The following TPCN1 variants were observed in gnomAD, a reference collection of about 807,000 sequenced individuals.
TPCN1 encodes two pore channel protein 1.
In TPCN1, 52 loss-of-function variants were observed where a neutral mutation model predicts 108.8. The observed-to-expected ratio is 0.48, with a 90% CI of 0.38 to 0.60. TPCN1 has a LOEUF of 0.60. Ranked by LOEUF, TPCN1 falls within the 20% of genes least tolerant of loss-of-function variation. The pLI is 0.00. For missense variants in TPCN1, 806 were observed against 1,072.8 expected (o/e 0.75, Z 3.47); for synonymous variants, 446 against 433.7 (o/e 1.03, Z -0.35).
Position 113,273,601 on chromosome 12 carries a change from G to A in TPCN1, c.875G>A (p.Arg292Gln). The A allele has an allele frequency of 2.5e-6, 4 of 1,614,114 alleles. No homozygotes were observed. Among genetic ancestry groups the A allele is most frequent in the African/African-American group, 2.7e-5 (2 of 75,020 alleles). The change falls in exon 10 of 28, where the codon CGG (arginine) becomes CAG (glutamine). Residue 292 changes from arginine to glutamine, a missense_variant. Physicochemically the swap from Arg to Gln is conservative, Grantham distance 43. Transcript: ENST00000335509. The surrounding 1 kb of genome is among the most constrained non-coding windows in gnomAD (Gnocchi z 4.0). The stretch of plus-strand genomic sequence containing the variant: ...GATGTGATGATGCCCTCCTACTCCC[G>A]GAACCCCTGGTCCTGCGTCTTCTTC... Reference protein sequence around the residue: ...FPDVMMPSYSRNPWSCVFFIV... With the variant: ...FPDVMMPSYSQNPWSCVFFIV...
chr12:113,285,458 C>T (rs187926981), intron 17 of TPCN1, among the ~76,000 whole-genome samples: 2 of 152,318 alleles, frequency 1.3e-5, no homozygotes, highest in East Asian at 1.9e-4. Context: ...GCAACCTCAA[C>T]CTCCTGGGCT....
intron 2 of TPCN1, among the ~76,000 whole-genome samples, chr12:113,229,812 A>G (rs1953614290): frequency 6.6e-6 from 1 of 152,168 alleles, no homozygotes; most frequent in Non-Finnish European, 1.5e-5. Context: ...CATCTAAAAC[A>G]CAAGCCCAAC....
rs768134478 is a variant in TPCN1 at position 113,278,201 on chromosome 12, T to C, written c.1197T>C (p.Phe399=). 3.7e-6 allele frequency: 6 copies of C among 1,613,764 alleles called. No homozygotes were observed. Among genetic ancestry groups the C allele is most frequent in the Non-Finnish European group, 5.1e-6 (6 of 1,179,842 alleles). Reference sequence around the variant, plus strand: ...TTGCTTTTGGTAGCCTAAAGGACTTTTACGATATCTACGAAGTTGCTGCTT... The same window carrying C: ...TTGCTTTTGGTAGCCTAAAGGACTTCTACGATATCTACGAAGTTGCTGCTT... ...NNTPLLSLKD[F]YDIYEVAALK... Residue 399 remains phenylalanine, a synonymous_variant, in exon 13 of 28, where the codon TTT becomes TTC. Transcript: ENST00000335509.
Position 113,245,600 on chromosome 12 carries a change from C to CAA in TPCN1, c.113-14748_113-14747dup, listed in dbSNP as rs766002477. ...TGGGCGACAGAGCAAGACTCCGTCT[C>CAA]AAAAAAAAAAAAAAAAAAAAAGAAA... On this transcript the variant is annotated intron_variant, in intron 2 of 27. Transcript: ENST00000335509. Among the ~76,000 whole-genome samples the CAA allele has an allele frequency of 1.8e-3, 78 of 42,946 alleles. 2 individuals carry two copies. Among genetic ancestry groups the CAA allele is most frequent in the South Asian group, 3.1e-3 (4 of 1,270 alleles). 28.2% of individuals were successfully genotyped at this position (42,946 alleles called of 152,430 possible).
chr12:113,284,642 G>GC lies in TPCN1; in HGVS notation c.1399+9dup, dbSNP rs767711071. ...TGGAGACATTTATGCTGAAAGGTGA[G>GC]CCCCGCTCAGGGACTGGCCGTGTCC... On this transcript the variant is annotated splice_donor_region_variant and intron_variant, in intron 16 of 27. Transcript: ENST00000335509. This position sits in a 1 kb window ranked among gnomAD's most constrained non-coding sequence, Gnocchi z 4.1. 1 of 1,614,196 alleles carries GC rather than the reference G, an allele frequency of 6.2e-7. No individual in the cohort carries two copies. The highest frequency in any genetic ancestry group is 8.5e-7 in the Non-Finnish European group (1 of 1,180,042).
At chr12:113,263,828 C>G (rs1001942653) in intron 3 of TPCN1, among the ~76,000 whole-genome samples, 4 of 152,210 alleles carry the variant, frequency 2.6e-5, no homozygotes, top group Admixed American at 2.0e-4. Flanking sequence ...CTACAACTGG[C>G]CTTCCTTATT....
chr12:113,250,944 C>T (rs1056141151), intron 2 of TPCN1, among the ~76,000 whole-genome samples: 1 of 149,376 alleles, frequency 6.7e-6, no homozygotes, highest in Non-Finnish European at 1.5e-5. Flanking sequence ...CCAGCCTGGG[C>T]GACAGAGCAA....
At chr12:113,236,930 C>T (rs1953921281) in intron 2 of TPCN1, among the ~76,000 whole-genome samples, 1 of 152,180 alleles carries the variant, frequency 6.6e-6, no homozygotes, top group African/African-American at 2.4e-5. Context: ...ACAGAATGAG[C>T]ATTGGGTGGA....
chr12:113,253,384 T>C (rs1055222175), intron 2 of TPCN1, among the ~76,000 whole-genome samples: 2 of 152,248 alleles, frequency 1.3e-5, no homozygotes, highest in African/African-American at 2.4e-5. Context: ...TGCCCCAACA[T>C]AGTGCCTTAA....
rs1237193690 is a variant in TPCN1 at position 113,288,524 on chromosome 12, C to T, written c.1707-234C>T. The T allele has an allele frequency of 2.7e-6, 4 of 1,493,190 alleles. No individual in the cohort carries two copies. Among genetic ancestry groups the T allele is most frequent in the South Asian group, 1.3e-5 (1 of 77,614 alleles). The allele number at this position is 1,493,190 out of a possible 1,614,324, so 92.5% of individuals were successfully genotyped here. A position where few individuals can be genotyped will look rare whatever the true frequency, so the allele number is the denominator to read the frequency against. ...GGGGTCACCTGTGAGTCTACCTTCA[C>T]AGGTAAGGGGTGAATCTCTGGGAAA... On this transcript the variant is annotated intron_variant, in intron 20 of 27. Coordinates refer to ENST00000335509, the MANE Select transcript of TPCN1 (RefSeq NM_017901.6). The surrounding 1 kb of genome is among the most constrained non-coding windows in gnomAD (Gnocchi z 4.8).
At chr12:113,260,612 G>A (rs956781856) in intron 3 of TPCN1, 120 bp downstream of exon 3, 76 of 1,272,462 alleles carry the variant, frequency 6.0e-5, no homozygotes, top group African/African-American at 4.1e-4. Flanking sequence ...GCTGCTGCTC[G>A]TGTGTGAGCT....
chr12:113,255,151 CAT>C (rs1291386611), intron 2 of TPCN1, among the ~76,000 whole-genome samples: 1 of 152,198 alleles, frequency 6.6e-6, no homozygotes, highest in Admixed American at 6.5e-5. Context: ...ACGCCCATGA[CAT>C]ATTTACAAAA....
Position 113,277,328 on chromosome 12 carries a change from T to C in TPCN1, c.1148T>C (p.Phe383Ser), listed in dbSNP as rs781432282. The change falls in exon 12 of 28, where the codon TTC becomes TCC. Residue 383 changes from phenylalanine (F) to serine (S), a missense_variant. Coordinates refer to ENST00000335509, the MANE Select transcript of TPCN1 (RefSeq NM_017901.6). ...RMSARERYLT[F>S]KALNQNNTPL... ...AGTGCCAGGGAGCGCTATCTTACCT[T>C]CAAGGCCCTGAATCAGAACAACACA... The C allele has an allele frequency of 1.2e-6, 2 of 1,614,122 alleles. No homozygotes were observed. The highest frequency in any genetic ancestry group is 1.7e-5 in the Admixed American group (1 of 60,016).
chr12:113,230,854 G>A (rs751651279), intron 2 of TPCN1, among the ~76,000 whole-genome samples: 3 of 152,180 alleles, frequency 2.0e-5, no homozygotes, highest in Non-Finnish European at 2.9e-5. Context: ...CTGGGGCCTC[G>A]CAGCCCATGG....
In TPCN1 at chr12:113,272,832, C is replaced by T. The variant is rs1453667143; in HGVS notation, c.783+140C>T. 1 of 833,114 alleles carries T rather than the reference C, an allele frequency of 1.2e-6. No homozygotes were observed. Among genetic ancestry groups the T allele is most frequent in the African/African-American group, 1.7e-5 (1 of 58,872 alleles). The allele number at this position is 833,114 out of a possible 1,614,324, so 51.6% of individuals were successfully genotyped here. A position where few individuals can be genotyped will look rare whatever the true frequency, so the allele number is the denominator to read the frequency against. On this transcript the variant is annotated intron_variant, in intron 8 of 27. Transcript: ENST00000335509. This position sits in a 1 kb window ranked among gnomAD's most constrained non-coding sequence, Gnocchi z 4.1. ...CATCATAGCTTGTGTGTGCATTGCA[C>T]CTGGGAGTTCCCATCACTCAGACTT...
At chr12:113,270,213 A>G (rs78624008) in intron 7 of TPCN1, among the ~76,000 whole-genome samples, 1 of 152,028 alleles carries the variant, frequency 6.6e-6, no homozygotes, top group Non-Finnish European at 1.5e-5. Context: ...AAAAAAAAAA[A>G]GAAAAGAAAA....
rs190671746 is a variant in TPCN1, at chr12:113,284,202, T to C, written c.1343-379T>C. ...TGGCTTAATGCATATGCAGTTTTTC[T>C]AAAGAGTTCATGCAATTATTTTAAA... On this transcript the variant is annotated intron_variant, in intron 15 of 27. Transcript: ENST00000335509. The surrounding 1 kb of genome is among the most constrained non-coding windows in gnomAD (Gnocchi z 4.1). Among the ~76,000 whole-genome samples, 16 of 152,366 alleles carry C rather than the reference T, an allele frequency of 1.1e-4. No homozygotes were observed. Among genetic ancestry groups the C allele is most frequent in the Admixed American group, 3.9e-4 (6 of 15,304 alleles).
At chr12:113,244,415 G>A (rs1398011989) in intron 2 of TPCN1, 5 of 985,340 alleles carry the variant, frequency 5.1e-6, no homozygotes, top group Non-Finnish European at 6.0e-6. Flanking sequence ...ACTAACGTGT[G>A]TCAATAATGC....
intron 14 of TPCN1, among the ~76,000 whole-genome samples, chr12:113,279,242 G>T (rs1420602804): frequency 6.7e-6 from 1 of 149,808 alleles, no homozygotes; most frequent in African/African-American, 2.5e-5. Context: ...TAAAACAGTA[G>T]GGTGACATTA....
Sources: gnomAD v4.1 joint callset for allele counts (sites outside exome capture counted in the v4.1 genomes callset) on GRCh38, gnomAD v4.1.1 for gene constraint, Gnocchi (gnomAD v3.1) non-coding constraint, MANE v1.5 for transcripts, NCBI Gene and HGNC (gene_info 2026-07-23, HGNC 2026-07-21) for gene names.